The following CASK variants were observed in gnomAD, a reference collection of about 807,000 sequenced individuals.
CASK encodes the protein peripheral plasma membrane protein CASK.
A neutral mutation model predicts 82.9 loss-of-function variants in CASK; 4 were observed. The ratio of observed to expected loss-of-function variants is 0.05; its 90% CI spans 0.02 to 0.11. The LOEUF (loss-of-function observed/expected upper bound fraction) is 0.11, where lower values mean the gene tolerates loss of function less well. Ranked by LOEUF, CASK falls within the 10% of genes least tolerant of loss-of-function variation. The pLI is 1.00. For synonymous variants in CASK, 259 were observed against 253.5 expected (o/e 1.02, Z -0.20); for missense variants, 358 against 720.9 (o/e 0.50, Z 5.76).
chrX:41,853,910 T>C (rs2071313107), intron 1 of CASK, among the ~76,000 whole-genome samples: 1 of 111,031 alleles, frequency 9.0e-6, no homozygotes. Context: ...AACTTGTAAA[T>C]ACAATAAGAA....
At chrX:41,678,695 T>C (rs950335890) in intron 5 of CASK, among the ~76,000 whole-genome samples, 10 of 110,970 alleles carry the variant, frequency 9.0e-5, no homozygotes, top group African/African-American at 3.3e-4. Context: ...TAATTAGAGG[T>C]GCCAAAATGG....
intron 2 of CASK, among the ~76,000 whole-genome samples, chrX:41,847,282 T>G (rs899864836): frequency 1.8e-5 from 2 of 111,719 alleles, no homozygotes; most frequent in African/African-American, 6.5e-5. Context: ...TCTGAGGCTC[T>G]GCTCATTTTG....
chrX:41,641,997 T>G lies in CASK; in HGVS notation c.832-5336A>C, dbSNP rs137950799. Among the ~76,000 whole-genome samples the G allele has an allele frequency of 1.4e-3, 147 of 107,820 alleles. 2 individuals are homozygous for G. The highest frequency in any genetic ancestry group is 4.9e-3 in the African/African-American group (144 of 29,551). 93.6% of individuals were successfully genotyped at this position (107,820 alleles called of 115,157 possible). ...ACCTATGAGTGAGAACATGTGGTGT[T>G]TGGTTTTCTGTCCTTCTGATAGTTT... On this transcript the variant is annotated intron_variant, in intron 8 of 26. Transcript: ENST00000378163.
intron 2 of CASK, among the ~76,000 whole-genome samples, chrX:41,833,789 C>T (rs1257765281): frequency 9.0e-6 from 1 of 111,690 alleles, no homozygotes; most frequent in East Asian, 2.8e-4. Flanking sequence ...TACTCTGTCG[C>T]CCAGGCTGGA....
intron 1 of CASK, among the ~76,000 whole-genome samples, chrX:41,861,231 G>GGT (rs746218070): frequency 8.9e-4 from 99 of 110,705 alleles, no homozygotes; most frequent in South Asian, 2.3e-3. Context: ...AAATTTGATT[G>GGT]GTGTGTGTGT....
At chrX:41,738,819 G>A (rs181633872) in intron 5 of CASK, among the ~76,000 whole-genome samples, 2 of 111,553 alleles carry the variant, frequency 1.8e-5, no homozygotes, top group East Asian at 5.6e-4. Flanking sequence ...GCTTGACACC[G>A]TTAAAGAACC....
chrX:41,906,115 C>T (rs2072465538), intron 1 of CASK, among the ~76,000 whole-genome samples: 1 of 112,036 alleles, frequency 8.9e-6, no homozygotes, highest in South Asian at 3.7e-4. Context: ...AAAATATGAA[C>T]TTCTGACTTT....
intron 5 of CASK, chrX:41,696,054 A>G (rs1360602288): frequency 8.3e-7 from 1 of 1,208,723 alleles, no homozygotes; most frequent in South Asian, 1.8e-5. Context: ...CATGTACATT[A>G]GCATTATTTT....
intron 5 of CASK, among the ~76,000 whole-genome samples, chrX:41,684,870 T>C (rs1445867621): frequency 2.7e-5 from 3 of 111,975 alleles, no homozygotes; most frequent in African/African-American, 9.7e-5. Context: ...GTAGAATACA[T>C]AATGATATTA....
chrX:41,693,961 C>T (rs1047254487), intron 5 of CASK, among the ~76,000 whole-genome samples: 2 of 110,780 alleles, frequency 1.8e-5, no homozygotes, highest in Non-Finnish European at 3.8e-5. Flanking sequence ...GGCTATTTTT[C>T]TCTGTGTATA....
rs780932016 is a variant in CASK at position 41,855,476 on chromosome X, C to G, written c.60-2249G>C. On this transcript the variant is annotated intron_variant, in intron 1 of 26. Transcript: ENST00000378163. ...TTTAACCCATTAACTGGAAACTCAGCAGAAACTGATAAAAAATTTAAAATT... is the reference window on the plus strand; with the variant it reads ...TTTAACCCATTAACTGGAAACTCAGGAGAAACTGATAAAAAATTTAAAATT... Among the ~76,000 whole-genome samples, 62 of 111,527 alleles carry G rather than the reference C, an allele frequency of 5.6e-4. 1 individual carries two copies. The highest frequency in any genetic ancestry group is 4.3e-3 in the Admixed American group (45 of 10,530).
intron 5 of CASK, among the ~76,000 whole-genome samples, chrX:41,737,778 T>C (rs1293543357): frequency 8.9e-6 from 1 of 112,589 alleles, no homozygotes; most frequent in Non-Finnish European, 1.9e-5. Flanking sequence ...CATAATGCTA[T>C]TACATGAACA....
chrX:41,902,519 T>C (rs758260524), intron 1 of CASK, among the ~76,000 whole-genome samples: 1 of 111,986 alleles, frequency 8.9e-6, no homozygotes, highest in East Asian at 2.8e-4. Context: ...CATCCAAATA[T>C]TCTGGGATAA....
chrX:41,731,939 A>AT lies in CASK; in HGVS notation c.429+7444dup, dbSNP rs1309557386. Among the ~76,000 whole-genome samples the AT allele has an allele frequency of 9.0e-3, 758 of 84,132 alleles. 7 individuals are homozygous for AT. Among genetic ancestry groups the AT allele is most frequent in the South Asian group, 0.019 (36 of 1,851 alleles). The allele number at this position is 84,132 out of a possible 115,157, so 73.1% of individuals were successfully genotyped here. ...GCCATCATGCCTGGCTAATTTTTGT[A>AT]TTTTTTTTTTTTTTTTTGTAGAGAT... On this transcript the variant is annotated intron_variant, in intron 5 of 26. Coordinates refer to ENST00000378163, the MANE Select transcript of CASK (RefSeq NM_001367721.1).
intron 5 of CASK, among the ~76,000 whole-genome samples, chrX:41,689,447 A>G (rs1046022267): frequency 8.9e-6 from 1 of 111,991 alleles, no homozygotes; most frequent in Non-Finnish European, 1.9e-5. Context: ...TGTATTATAA[A>G]TTATAACTTA....
chrX:41,743,561 G>T, intron 4 of CASK: 1 of 289,714 alleles, frequency 3.5e-6, no homozygotes, highest in South Asian at 2.2e-4. Context: ...ACCACACATT[G>T]AGCATATTCT....
At chrX:41,827,542 G>A (rs2070693284) in intron 2 of CASK, among the ~76,000 whole-genome samples, 1 of 111,836 alleles carries the variant, frequency 8.9e-6, no homozygotes, top group Non-Finnish European at 1.9e-5. Flanking sequence ...TTCCAAAGGC[G>A]CCATCTTCTA....
intron 1 of CASK, among the ~76,000 whole-genome samples, chrX:41,859,660 G>C (rs1423680794): frequency 8.9e-6 from 1 of 111,980 alleles, no homozygotes; most frequent in African/African-American, 3.3e-5. Context: ...AGCACAAGAA[G>C]GCTGTGATGT....
chrX:41,751,113 G>A (rs1430940122), intron 3 of CASK, among the ~76,000 whole-genome samples: 3 of 111,926 alleles, frequency 2.7e-5, no homozygotes, highest in Non-Finnish European at 3.8e-5. Context: ...ACAGGGTCTC[G>A]TTTTGTCACC....
Sources: gnomAD v4.1 joint callset for allele counts (sites outside exome capture counted in the v4.1 genomes callset) on GRCh38, gnomAD v4.1.1 for gene constraint, MANE v1.5 for transcripts, NCBI Gene and HGNC (gene_info 2026-07-23, HGNC 2026-07-21) for gene names.